The following FBLN2 variants were observed in gnomAD, a reference collection of about 807,000 sequenced individuals.
The protein encoded by FBLN2 is fibulin 2, also known as fibulin-2.
FBLN2 carries 81 observed loss-of-function variants against 123.7 expected under a neutral mutation model. The observed-to-expected ratio is 0.65, with a 90% CI of 0.55 to 0.79. FBLN2 has a LOEUF of 0.79. Ranked by LOEUF, FBLN2 falls within the 30% of genes least tolerant of loss-of-function variation. The probability of loss-of-function intolerance (pLI) is 0.00; values close to 1 mark genes in which losing one functional copy is unlikely to be tolerated. For synonymous variants in FBLN2, 699 were observed against 701.4 expected, an observed-to-expected ratio of 1.00 and a Z score of 0.05; for missense variants, 1,603 against 1,681.3, an observed-to-expected ratio of 0.95 and a Z score of 0.81.
intron 4 of FBLN2, 47 bp downstream of exon 4, chr3:13,609,689 C>CCAG: frequency 2.3e-6 from 1 of 428,812 alleles, no homozygotes. Context: ...TGGGGCGGGG[C>CCAG]GGGAGGCTGG....
chr3:13,635,431 CT>C (rs915975873), intron 16 of FBLN2, among the ~76,000 whole-genome samples: 30 of 152,256 alleles, frequency 2.0e-4, no homozygotes, highest in African/African-American at 7.0e-4. Flanking sequence ...CCCTGCTTCT[CT>C]GAGCTTTCGT....
chr3:13,599,036 C>T (rs746193549), intron 2 of FBLN2, among the ~76,000 whole-genome samples: 1 of 152,186 alleles, frequency 6.6e-6, no homozygotes, highest in East Asian at 1.9e-4. Flanking sequence ...TGGCTGGGAG[C>T]TGAGTCTGGG....
At position 13,626,506 on chromosome 3, in the gene FBLN2, A is replaced by G; in HGVS notation, c.2358A>G (p.Thr786=). 6.4e-7 allele frequency: 1 copy of G among 1,569,224 alleles called. No homozygotes were observed. Reference sequence around the variant, plus strand: ...GCCGGGGCGAGCACTGTGTGAACACACTGGGCTCCTTCCACTGCTACAAGG... The same window carrying G: ...GCCGGGGCGAGCACTGTGTGAACACGCTGGGCTCCTTCCACTGCTACAAGG... ...TCSRGEHCVN[T]LGSFHCYKAL... Residue 786 remains threonine (T), a synonymous_variant, in exon 10 of 18, where the codon ACA becomes ACG. Coordinates refer to ENST00000404922, the MANE Select transcript of FBLN2 (RefSeq NM_001004019.2).
chr3:13,571,719 T>C, intron 2 of FBLN2, 58 bp downstream of exon 2: 1 of 1,465,276 alleles, frequency 6.8e-7, no homozygotes, highest in South Asian at 1.4e-5. Context: ...AGCCTTGGGC[T>C]CTGGCCGCTG....
At chr3:13,575,099 C>T (rs1030162032) in intron 2 of FBLN2, among the ~76,000 whole-genome samples, 1 of 152,340 alleles carries the variant, frequency 6.6e-6, no homozygotes, top group African/African-American at 2.4e-5. Context: ...ATCATCGTCG[C>T]ATTTCTAATT....
At chr3:13,635,668 C>T (rs73042963) in intron 16 of FBLN2, among the ~76,000 whole-genome samples, 9,299 of 152,162 alleles carry the variant, frequency 0.061, 396 homozygotes, top group Middle Eastern at 0.11. Flanking sequence ...CATAGCTTTG[C>T]GTCTCGGAGT....
chr3:13,623,905 C>A (rs1206034738), intron 9 of FBLN2, among the ~76,000 whole-genome samples: 1 of 152,196 alleles, frequency 6.6e-6, no homozygotes, highest in African/African-American at 2.4e-5. Context: ...CTGAGGCAAC[C>A]TGCAGAGGTA....
intron 2 of FBLN2, among the ~76,000 whole-genome samples, chr3:13,589,529 A>G (rs1280766102): frequency 3.9e-5 from 6 of 152,110 alleles, no homozygotes; most frequent in South Asian, 2.1e-4. Context: ...CAGTGGGGCT[A>G]TTTGAGGGGG....
At chr3:13,620,921 G>A (rs968780960) in intron 8 of FBLN2, among the ~76,000 whole-genome samples, 1 of 152,214 alleles carries the variant, frequency 6.6e-6, no homozygotes, top group African/African-American at 2.4e-5. Context: ...GTGACCGGCA[G>A]GCCTTCCTCT....
At chr3:13,579,516 G>A (rs1297077521) in intron 2 of FBLN2, among the ~76,000 whole-genome samples, 2 of 152,240 alleles carry the variant, frequency 1.3e-5, no homozygotes, top group African/African-American at 2.4e-5. Context: ...ATGTAGGTGC[G>A]TGCACGTATT....
chr3:13,576,557 G>C (rs549094852), intron 2 of FBLN2, among the ~76,000 whole-genome samples: 2 of 152,322 alleles, frequency 1.3e-5, no homozygotes, highest in African/African-American at 4.8e-5. Context: ...GATGAGTGAA[G>C]GCACAAAGAT....
At chr3:13,575,875 G>A (rs190761470) in intron 2 of FBLN2, among the ~76,000 whole-genome samples, 17 of 152,264 alleles carry the variant, frequency 1.1e-4, no homozygotes, top group Admixed American at 2.0e-4. Flanking sequence ...ACCAGGTCCC[G>A]CCTGTGACCT....
At chr3:13,635,646 G>A (rs968713281) in intron 16 of FBLN2, among the ~76,000 whole-genome samples, 4 of 152,124 alleles carry the variant, frequency 2.6e-5, no homozygotes, top group African/African-American at 9.7e-5. Flanking sequence ...TTGCTCATGG[G>A]GGACATTGAC....
chr3:13,609,572 T>A lies in FBLN2; in HGVS notation c.1478T>A (p.Val493Asp). The change falls in exon 4 of 18, where the codon GTC (valine) becomes GAC (aspartate). Residue 493 changes from valine to aspartate, a missense_variant. Val to Asp is a radical substitution (Grantham distance 152). Coordinates refer to ENST00000404922, the MANE Select transcript of FBLN2 (RefSeq NM_001004019.2). ...YLQEKSCMAG[V>D]LGAKEGETCG... ...CAGGAGAAGAGCTGCATGGCCGGCG[T>A]CCTGGGAGCCAAGGAGGGTGAGACC... 1 of 1,558,014 alleles carries A rather than the reference T, an allele frequency of 6.4e-7. No homozygotes were observed. The highest frequency in any genetic ancestry group is 8.7e-7 in the Non-Finnish European group (1 of 1,150,908).
chr3:13,582,830 C>T (rs532866054), intron 2 of FBLN2, among the ~76,000 whole-genome samples: 9 of 152,262 alleles, frequency 5.9e-5, no homozygotes, highest in African/African-American at 1.4e-4. Context: ...ACTGGGGTGG[C>T]GGGGGAGGGA....
At chr3:13,603,361 A>G (rs1203246506) in intron 2 of FBLN2, among the ~76,000 whole-genome samples, 1 of 149,030 alleles carries the variant, frequency 6.7e-6, no homozygotes, top group Non-Finnish European at 1.5e-5. Flanking sequence ...TACATTAGGT[A>G]TTTCTCCTAA....
At position 13,632,276 on chromosome 3, in the gene FBLN2, G is replaced by A. The variant is rs527987837; in HGVS notation, c.3214+819G>A. Among the ~76,000 whole-genome samples, 8 of 152,292 alleles carry A rather than the reference G, an allele frequency of 5.3e-5. No homozygotes were observed. In the South Asian group the frequency reaches 8.3e-4, roughly 16 times the overall value. On this transcript the variant is annotated intron_variant, in intron 16 of 17. Transcript: ENST00000404922. ...TGGCCTCTCGCTCCCTCGGCCCCTC[G>A]GTCCCTTGGCGCCGCAGAGCTCAGA...
intron 2 of FBLN2, among the ~76,000 whole-genome samples, chr3:13,603,371 A>T (rs1273066798): frequency 1.3e-5 from 2 of 150,350 alleles, no homozygotes; most frequent in African/African-American, 4.9e-5. Context: ...ATTTCTCCTA[A>T]TGCTATCCTT....
intron 2 of FBLN2, among the ~76,000 whole-genome samples, chr3:13,574,363 C>T (rs940609495): frequency 9.2e-5 from 14 of 152,200 alleles, no homozygotes; most frequent in African/African-American, 2.4e-4. Context: ...CCGCCCTGCC[C>T]GAGGGTTCCT....
Sources: allele counts gnomAD v4.1 joint callset (sites outside exome capture counted in the v4.1 genomes callset), GRCh38; gene constraint gnomAD v4.1.1; transcripts MANE v1.5; gene names NCBI Gene and HGNC (gene_info 2026-07-23, HGNC 2026-07-21).